CATSPER2: variants seen among roughly 807,000 people sequenced by gnomAD.
CATSPER2 encodes cation channel sperm associated 2.
A neutral mutation model predicts 68.8 loss-of-function variants in CATSPER2; 56 were observed. That is an observed-to-expected ratio of 0.81 (90% confidence interval 0.66 to 1.02). CATSPER2 has a LOEUF of 1.02. Among genes scored for constraint, CATSPER2 ranks in the 50% least tolerant of loss-of-function variants. CATSPER2 has a pLI of 0.00. For synonymous variants in CATSPER2, 198 were observed against 229.9 expected, an observed-to-expected ratio of 0.86 and a Z score of 1.26; for missense variants, 582 against 642.0, an observed-to-expected ratio of 0.91 and a Z score of 1.01.
chr15:43,628,624 A>T lies in CATSPER2; in HGVS notation c.*2077T>A, dbSNP rs1340216249. 3 of 140,126 alleles carry T rather than the reference A, an allele frequency of 2.1e-5. No homozygotes were observed. Among genetic ancestry groups the T allele is most frequent in the Non-Finnish European group, 3.0e-5 (2 of 66,000 alleles). The allele number at this position is 140,126 out of a possible 1,614,324, so 8.7% of individuals were successfully genotyped here. ...AATTACCACCCTATTGCCCCCTTCCATCTCTTCCCCACTTGGGTAGCAGCC... is the reference window on the plus strand; with the variant it reads ...AATTACCACCCTATTGCCCCCTTCCTTCTCTTCCCCACTTGGGTAGCAGCC... On this transcript the variant is annotated 3_prime_UTR_variant, in exon 13 of 13. Coordinates refer to ENST00000396879, the MANE Select transcript of CATSPER2 (RefSeq NM_172095.4).
In CATSPER2 at chr15:43,635,432, A is replaced by G. The variant is rs778302360; in HGVS notation, c.1122-16T>C. Reference sequence around the variant, plus strand: ...GTTTTTTCTCCTGCAGAGCAAAAAAAAAAAAGAGCAAAGACAGTTATATTC... The same window carrying G: ...GTTTTTTCTCCTGCAGAGCAAAAAAGAAAAAGAGCAAAGACAGTTATATTC... On this transcript the variant is annotated splice_polypyrimidine_tract_variant and intron_variant, in intron 9 of 12. Transcript: ENST00000396879. 1.2e-6 allele frequency: 2 copies of G among 1,606,664 alleles called. 1 individual carries two copies. The highest frequency in any genetic ancestry group is 2.2e-5 in the South Asian group (2 of 90,700).
chr15:43,632,634 G>A, intron 11 of CATSPER2, 83 bp downstream of exon 11: 1 of 1,607,148 alleles, frequency 6.2e-7, no homozygotes, highest in Non-Finnish European at 8.5e-7. Context: ...TATACTAGGA[G>A]AGCTCCTGTT....
chr15:43,646,393 G>A (rs1162018216), intron 4 of CATSPER2, among the ~76,000 whole-genome samples: 2 of 151,228 alleles, frequency 1.3e-5, no homozygotes, highest in East Asian at 3.9e-4. Context: ...CTGAGTAGCT[G>A]GGATTACAGG....
intron 10 of CATSPER2, 85 bp from the exon 11 acceptor site, chr15:43,633,019 C>A (rs1029092888): frequency 1.7e-6 from 2 of 1,147,874 alleles, no homozygotes; most frequent in Non-Finnish European, 2.5e-6. Flanking sequence ...CTGGCCACCC[C>A]CTAAAGCTGG....
intron 1 of CATSPER2, 34 bp from the exon 2 acceptor site, chr15:43,648,097 C>A: frequency 6.2e-7 from 1 of 1,611,128 alleles, no homozygotes; most frequent in Non-Finnish European, 8.5e-7. Flanking sequence ...AGTGTCATTT[C>A]ATTCTTGGAG....
chr15:43,632,332 T>G lies in CATSPER2; in HGVS notation c.1428A>C (p.Glu476Asp). ...GRLDWETLVHENLPGLMEMDQ... is the reference protein window; with the variant it reads ...GRLDWETLVHDNLPGLMEMDQ... ...CCATTTCCATTAGCCCGGGCAGATTTTCGTGCACAAGAGTCTCCCAGTCCA... is the reference window on the plus strand; with the variant it reads ...CCATTTCCATTAGCCCGGGCAGATTGTCGTGCACAAGAGTCTCCCAGTCCA... Residue 476 changes from glutamate to aspartate, a missense_variant, in exon 12 of 13, where the codon GAA (glutamate) becomes GAC (aspartate). Transcript: ENST00000396879. The G allele has an allele frequency of 6.2e-7, 1 of 1,613,724 alleles. No homozygotes were observed. The highest frequency in any genetic ancestry group is 8.5e-7 in the Non-Finnish European group (1 of 1,179,870).
chr15:43,645,452 A>C (rs1381158368), intron 4 of CATSPER2, among the ~76,000 whole-genome samples: 2 of 151,822 alleles, frequency 1.3e-5, no homozygotes, highest in East Asian at 3.9e-4. Context: ...ATCTGTGTGA[A>C]ATAAACAGCC....
Position 43,632,239 on chromosome 15 carries a change from C to A in CATSPER2, c.1521G>T (p.Gln507His). Residue 507 changes from glutamine (Q) to histidine (H), a missense_variant, in exon 12 of 13, where the codon CAG becomes CAT. By Grantham distance (24) the Gln-to-His change is conservative. Coordinates refer to ENST00000396879, the MANE Select transcript of CATSPER2 (RefSeq NM_172095.4). ...ACTTCTTACGTTCCTCTAGGTTATA[C>A]TGAAGCTTTTCTAGCAACTCAAAAT... Reference protein sequence around the residue: ...FRYFELLEKLQYNLEERKKLQ... With the variant: ...FRYFELLEKLHYNLEERKKLQ... 1 of 1,613,724 alleles carries A rather than the reference C, an allele frequency of 6.2e-7. No homozygotes were observed. The highest frequency in any genetic ancestry group is 8.5e-7 in the Non-Finnish European group (1 of 1,179,810).
intron 4 of CATSPER2, among the ~76,000 whole-genome samples, chr15:43,645,813 T>G (rs1201110667): frequency 5.3e-5 from 8 of 152,000 alleles, no homozygotes; most frequent in African/African-American, 1.9e-4. Flanking sequence ...AGTGGGAGAC[T>G]TCCCCACAAC....
intron 7 of CATSPER2, among the ~76,000 whole-genome samples, chr15:43,638,286 C>CTTTTTTTTTTTTT (rs71460446): frequency 3.8e-4 from 31 of 81,836 alleles, no homozygotes; most frequent in African/African-American, 9.0e-4. Flanking sequence ...TTCTTTCTTT[C>CTTTTTTTTTTTTT]TTTTTTTTTT....
rs753846873 is a variant in CATSPER2 at position 43,632,796 on chromosome 15, C to T, written c.1317G>A (p.Glu439=). 2 of 1,610,596 alleles carry T rather than the reference C, an allele frequency of 1.2e-6. No individual in the cohort carries two copies. The highest frequency in any genetic ancestry group is 1.7e-6 in the Non-Finnish European group (2 of 1,177,636). The stretch of plus-strand genomic sequence containing the variant: ...AGGAGACACAGGAGGAAGACTGGTA[C>T]TCTCTCTTTTTTGACAAGGTCTCTT... ...KTEETLSKKR[E]YQSSSCVSST... is the part of the protein sequence containing the mutation. Residue 439 remains glutamate, a synonymous_variant, in exon 11 of 13, where the codon GAG becomes GAA. Coordinates refer to ENST00000396879, the MANE Select transcript of CATSPER2 (RefSeq NM_172095.4).
intron 12 of CATSPER2, 94 bp downstream of exon 12, chr15:43,632,105 A>C (rs2085881995): frequency 6.6e-6 from 9 of 1,370,074 alleles, no homozygotes; most frequent in Non-Finnish European, 9.3e-6. Flanking sequence ...TGAGAAGCTG[A>C]GATGCCAGAA....
intron 7 of CATSPER2, among the ~76,000 whole-genome samples, chr15:43,637,210 C>T (rs2085980313): frequency 2.6e-5 from 4 of 151,828 alleles, no homozygotes; most frequent in Admixed American, 2.0e-4. Flanking sequence ...GCAAAATTAG[C>T]AAATTTAGCA....
At chr15:43,648,196 G>A (rs542864714) in intron 1 of CATSPER2, 133 bp from the exon 2 acceptor site, 1 of 1,060,866 alleles carries the variant, frequency 9.4e-7, no homozygotes, top group Non-Finnish European at 1.5e-6. Flanking sequence ...TACGAACTAG[G>A]AGCAGTTGGG....
intron 7 of CATSPER2, among the ~76,000 whole-genome samples, chr15:43,637,951 T>C (rs1441163363): frequency 2.0e-5 from 3 of 151,786 alleles, no homozygotes; most frequent in Admixed American, 2.0e-4. Context: ...TTTTTTTTTT[T>C]TTCTTTTCTT....
chr15:43,635,392 T>G lies in CATSPER2; in HGVS notation c.1146A>C (p.Ala382=). ...CTATTTTGCTATGGCTTGACGTCAG[T>G]GCTTCATGTGACATGTTTTTTCTCC... The part of the protein sequence containing the change: ...IQRRKNMSHE[A]LTSSHSKIED... The change falls in exon 10 of 13, where the codon GCA becomes GCC. Residue 382 remains alanine (A), a synonymous_variant. Coordinates refer to ENST00000396879, the MANE Select transcript of CATSPER2 (RefSeq NM_172095.4). 1 of 1,609,510 alleles carries G rather than the reference T, an allele frequency of 6.2e-7. No individual in the cohort carries two copies. The highest frequency in any genetic ancestry group is 8.5e-7 in the Non-Finnish European group (1 of 1,179,300).
chr15:43,637,952 T>G (rs1734307324), intron 7 of CATSPER2, among the ~76,000 whole-genome samples: 1 of 151,778 alleles, frequency 6.6e-6, no homozygotes, highest in Admixed American at 6.6e-5. Context: ...TTTTTTTTTT[T>G]TCTTTTCTTT....
intron 7 of CATSPER2, among the ~76,000 whole-genome samples, chr15:43,637,346 A>G (rs1278897151): frequency 6.6e-6 from 1 of 151,910 alleles, no homozygotes; most frequent in East Asian, 1.9e-4. Context: ...TTATAAAATT[A>G]ATATTTAAAA....
intron 7 of CATSPER2, among the ~76,000 whole-genome samples, chr15:43,638,286 CTTTTTTTTTT>C (rs71460446): frequency 1.2e-5 from 1 of 81,866 alleles, no homozygotes; most frequent in Admixed American, 1.4e-4. Flanking sequence ...TTCTTTCTTT[CTTTTTTTTTT>C]TTTTTTTTTT....
Sources: gnomAD v4.1 joint callset for allele counts (sites outside exome capture counted in the v4.1 genomes callset) on GRCh38, gnomAD v4.1.1 for gene constraint, MANE v1.5 for transcripts, NCBI Gene and HGNC (gene_info 2026-07-23, HGNC 2026-07-21) for gene names.